GALNT15: variants seen among roughly 807,000 people sequenced by gnomAD.
GALNT15 encodes polypeptide N-acetylgalactosaminyltransferase 15.
Under a neutral mutation model 66.8 loss-of-function variants are expected in GALNT15, and 67 were observed. The observed-to-expected ratio is 1.00, with a 90% CI of 0.82 to 1.23. The LOEUF (loss-of-function observed/expected upper bound fraction) is 1.23. GALNT15 is among the 50% of genes most tolerant of loss of function. The pLI, the probability that GALNT15 is intolerant of heterozygous loss-of-function variation, is 0.00. For missense variants in GALNT15, 827 were observed against 804.3 expected (o/e 1.03, Z -0.34); for synonymous variants, 313 against 311.5 (o/e 1.00, Z -0.05).
chr3:16,237,095 A>G, the GALNT15 span, among the ~76,000 whole-genome samples: 3 of 152,258 alleles, frequency 2.0e-5, no homozygotes, highest in Non-Finnish European at 4.4e-5. This position sits in a 1 kb window ranked among gnomAD's most constrained non-coding sequence, Gnocchi z 4.2. Context: ...ACAATCAGAC[A>G]CAAGCTCTGG....
In GALNT15 at chr3:16,175,468, G is replaced by C. The variant is rs577707435; in HGVS notation, c.317G>C (p.Arg106Thr). ...GCCGTGGCCTTACCCCAGGCCAGAA[G>C]GAACCAGAGCCAGGGCAGGAGAGGT... Reference protein sequence around the residue: ...LVAVALPQARRNQSQGRRGGS... With the variant: ...LVAVALPQARTNQSQGRRGGS... Residue 106 changes from arginine to threonine, a missense_variant, in exon 1 of 10, where the codon AGG becomes ACG. Transcript: ENST00000339732. The surrounding 1 kb of genome is among the most constrained non-coding windows in gnomAD (Gnocchi z 5.6). 1.9e-6 allele frequency: 3 copies of C among 1,614,092 alleles called. No individual in the cohort carries two copies. The South Asian group carries it at 3.3e-5, about 18-fold the overall frequency.
In GALNT15 at chr3:16,195,622, T is replaced by C. The variant is rs1164171320; in HGVS notation, c.540-138T>C. On this transcript the variant is annotated intron_variant, in intron 1 of 9. Coordinates refer to ENST00000339732, the MANE Select transcript of GALNT15 (RefSeq NM_054110.5). The surrounding 1 kb of genome is among the most constrained non-coding windows in gnomAD (Gnocchi z 4.6). ...TGAGGCGTAACAGGTTCTTTTTATA[T>C]GGGAATTTTAAGAGATCCCATAGGA... 2 of 611,780 alleles carry C rather than the reference T, an allele frequency of 3.3e-6. No individual in the cohort carries two copies. Among genetic ancestry groups the C allele is most frequent in the Non-Finnish European group, 2.7e-6 (1 of 366,530 alleles). 37.9% of individuals were successfully genotyped at this position (611,780 alleles called of 1,614,324 possible). A position where few individuals can be genotyped will look rare whatever the true frequency, so the allele number is the denominator to read the frequency against.
intron 6 of GALNT15, among the ~76,000 whole-genome samples, chr3:16,214,429 A>G (rs1460305783): frequency 2.6e-5 from 4 of 152,244 alleles, no homozygotes; most frequent in African/African-American, 4.8e-5. Flanking sequence ...TAAGCTTTCC[A>G]TCTGTTGTTA....
In GALNT15 at chr3:16,175,213, T is replaced by C; in HGVS notation, c.62T>C (p.Leu21Pro). 2.5e-6 allele frequency: 4 copies of C among 1,614,208 alleles called. No individual in the cohort carries two copies. Among genetic ancestry groups the C allele is most frequent in the Non-Finnish European group, 3.4e-6 (4 of 1,180,038 alleles). The change falls in exon 1 of 10, where the codon CTG becomes CCG. Residue 21 changes from leucine (L) to proline (P), a missense_variant. Coordinates refer to ENST00000339732, the MANE Select transcript of GALNT15 (RefSeq NM_054110.5). This position sits in a 1 kb window ranked among gnomAD's most constrained non-coding sequence, Gnocchi z 5.6. ...AGACTCCAGTTCCTCCTGCTGCTCC[T>C]GATGCTGGGATGCGTCCTGATGATG... ...PCRLQFLLLL[L>P]MLGCVLMMVA... is the part of the protein sequence containing the mutation.
rs1357053373 is a variant in GALNT15, at chr3:16,195,499, A to T, written c.540-261A>T. Among the ~76,000 whole-genome samples the T allele has an allele frequency of 6.6e-6, 1 of 152,172 alleles. No individual in the cohort carries two copies. Among genetic ancestry groups the T allele is most frequent in the Admixed American group, 6.5e-5 (1 of 15,282 alleles). On this transcript the variant is annotated intron_variant, in intron 1 of 9. Coordinates refer to ENST00000339732, the MANE Select transcript of GALNT15 (RefSeq NM_054110.5). The surrounding 1 kb of genome is among the most constrained non-coding windows in gnomAD (Gnocchi z 4.6). ...TGAGGACAGTCATTTGCTGAGGATG[A>T]CGGCAACGCTTCTCAATTGCAATGA...
At chr3:16,242,535 A>G in the GALNT15 span, among the ~76,000 whole-genome samples, 2 of 152,142 alleles carry the variant, frequency 1.3e-5, no homozygotes, top group Non-Finnish European at 2.9e-5. This position sits in a 1 kb window ranked among gnomAD's most constrained non-coding sequence, Gnocchi z 5.6. Flanking sequence ...AGGCAGGCAA[A>G]TCTCTTGCGC....
downstream of GALNT15, among the ~76,000 whole-genome samples, chr3:16,233,092 A>ATTTTTTTTTTTTTTTTTTTTTT (rs771943641): frequency 3.1e-4 from 15 of 48,042 alleles, no homozygotes; most frequent in Non-Finnish European, 4.2e-4. Context: ...AGGATAATGC[A>ATTTTTTTTTTTTTTTTTTTTTT]TCTTTTTTTT....
chr3:16,213,739 G>A (rs1465671759), intron 6 of GALNT15, among the ~76,000 whole-genome samples: 1 of 152,194 alleles, frequency 6.6e-6, no homozygotes, highest in Admixed American at 6.5e-5. Flanking sequence ...TGAGTTAGAT[G>A]TGAGTTTGCA....
At position 16,203,752 on chromosome 3, in the gene GALNT15, G is replaced by A. The variant is rs939347437; in HGVS notation, c.911+2929G>A. Reference sequence around the variant, plus strand: ...GTGTCCAGCTTTTAGGCACTGGCAGGTGAGGATCTGGAAGAAAAGCCACCT... The same window carrying A: ...GTGTCCAGCTTTTAGGCACTGGCAGATGAGGATCTGGAAGAAAAGCCACCT... On this transcript the variant is annotated intron_variant, in intron 3 of 9. Transcript: ENST00000339732. This position sits in a 1 kb window ranked among gnomAD's most constrained non-coding sequence, Gnocchi z 6.2. Among the ~76,000 whole-genome samples the A allele has an allele frequency of 5.3e-5, 8 of 152,094 alleles. No individual in the cohort carries two copies. The highest frequency in any genetic ancestry group is 4.1e-4 in the South Asian group (2 of 4,836).
rs1165130448 is a variant in GALNT15 at position 16,176,623 on chromosome 3, T to C, written c.539+933T>C. Among the ~76,000 whole-genome samples, 1 of 152,234 alleles carries C rather than the reference T, an allele frequency of 6.6e-6. No homozygotes were observed. Among genetic ancestry groups the C allele is most frequent in the African/African-American group, 2.4e-5 (1 of 41,464 alleles). On this transcript the variant is annotated intron_variant, in intron 1 of 9. Transcript: ENST00000339732. The surrounding 1 kb of genome is among the most constrained non-coding windows in gnomAD (Gnocchi z 5.6). ...ACCCCCTGCTCCCTTACTGTCACCA[T>C]GGCTGACCACTGAGGAGGGAGCCTT...
At position 16,228,556 on chromosome 3, in the gene GALNT15, G is replaced by C. The variant is rs1036349903; in HGVS notation, c.*1056G>C. ...CTTGGGAGGCTGAGGCAAGAGAATC[G>C]CTTGAACCCAGGAGGCAGAGGTTGC... is the stretch of plus-strand genomic sequence containing the variant. On this transcript the variant is annotated 3_prime_UTR_variant, in exon 10 of 10. Coordinates refer to ENST00000339732, the MANE Select transcript of GALNT15 (RefSeq NM_054110.5). The C allele has an allele frequency of 1.4e-6, 1 of 738,600 alleles. No homozygotes were observed. Among genetic ancestry groups the C allele is most frequent in the Non-Finnish European group, 1.6e-6 (1 of 606,444 alleles). 45.8% of individuals were successfully genotyped at this position (738,600 alleles called of 1,614,324 possible). A position where few individuals can be genotyped will look rare whatever the true frequency, so the allele number is the denominator to read the frequency against.
downstream of GALNT15, among the ~76,000 whole-genome samples, chr3:16,230,390 T>C (rs1176077881): frequency 6.6e-6 from 1 of 152,092 alleles, no homozygotes; most frequent in African/African-American, 2.4e-5. The surrounding 1 kb of genome is among the most constrained non-coding windows in gnomAD (Gnocchi z 4.5). Flanking sequence ...AAGTCCTCAG[T>C]GACAATAATG....
rs2124838344 is a variant in GALNT15 at position 16,181,051 on chromosome 3, A to C, written c.539+5361A>C. ...TGATTTTCCTTGTGTATTAAGTCCAAACAGAAGTTGCCCTTATCATATTCT... is the reference window on the plus strand; with the variant it reads ...TGATTTTCCTTGTGTATTAAGTCCACACAGAAGTTGCCCTTATCATATTCT... On this transcript the variant is annotated intron_variant, in intron 1 of 9. Coordinates refer to ENST00000339732, the MANE Select transcript of GALNT15 (RefSeq NM_054110.5). This position sits in a 1 kb window ranked among gnomAD's most constrained non-coding sequence, Gnocchi z 5.9. 6.6e-6 allele frequency among the ~76,000 whole-genome samples: 1 copy of C among 152,358 alleles called. No homozygotes were observed.
In GALNT15 at chr3:16,209,066, C is replaced by T. The variant is rs922043962; in HGVS notation, c.1079+396C>T. Among the ~76,000 whole-genome samples, 1 of 152,132 alleles carries T rather than the reference C, an allele frequency of 6.6e-6. No homozygotes were observed. The highest frequency in any genetic ancestry group is 2.4e-5 in the African/African-American group (1 of 41,418). On this transcript the variant is annotated intron_variant, in intron 4 of 9. Coordinates refer to ENST00000339732, the MANE Select transcript of GALNT15 (RefSeq NM_054110.5). The surrounding 1 kb of genome is among the most constrained non-coding windows in gnomAD (Gnocchi z 4.1). ...GGTACAGTGTGAATTCCTCAGGTCT[C>T]GTCTTAGCAAATAGGAAGAATTCAA... is the stretch of plus-strand genomic sequence containing the variant.
In GALNT15 at chr3:16,184,227, C is replaced by T. The variant is rs77795575; in HGVS notation, c.539+8537C>T. On this transcript the variant is annotated intron_variant, in intron 1 of 9. Coordinates refer to ENST00000339732, the MANE Select transcript of GALNT15 (RefSeq NM_054110.5). This position sits in a 1 kb window ranked among gnomAD's most constrained non-coding sequence, Gnocchi z 5.0. The stretch of plus-strand genomic sequence containing the variant: ...ACAAACCGAGATAGTAAAATATTCA[C>T]CGGATATTTCGTTGAAGCAGAGAAG... 0.073 allele frequency among the ~76,000 whole-genome samples: 11,050 copies of T among 152,228 alleles called. 569 individuals are homozygous for T. The highest frequency in any genetic ancestry group is 0.22 in the South Asian group (1,070 of 4,816).
At chr3:16,198,325 G>A (rs2063661640) in intron 2 of GALNT15, among the ~76,000 whole-genome samples, 1 of 137,980 alleles carries the variant, frequency 7.2e-6, no homozygotes, top group African/African-American at 2.8e-5. Context: ...GAGATAGGCA[G>A]AGGCCAGTCC....
At position 16,199,563 on chromosome 3, in the gene GALNT15, G is replaced by A. The variant is rs570424642; in HGVS notation, c.707-1056G>A. ...AGCAGGGCCTGAGATGGAGATTCAC[G>A]TGCATTTGATTTTTTTGAGGGTGTA... is the stretch of plus-strand genomic sequence containing the variant. On this transcript the variant is annotated intron_variant, in intron 2 of 9. Transcript: ENST00000339732. 7.0e-5 allele frequency among the ~76,000 whole-genome samples: 10 copies of A among 142,272 alleles called. 2 individuals carry two copies. The highest frequency in any genetic ancestry group is 3.6e-4 in the Admixed American group (5 of 13,964). 93.3% of individuals were successfully genotyped at this position (142,272 alleles called of 152,430 possible).
At chr3:16,236,408 C>A (rs889421845), downstream of GALNT15, among the ~76,000 whole-genome samples, 2 of 152,160 alleles carry the variant, frequency 1.3e-5, no homozygotes, top group Non-Finnish European at 2.9e-5. Context: ...GAGCCATGGA[C>A]AATAATCAAC....
the GALNT15 span, among the ~76,000 whole-genome samples, chr3:16,245,743 C>A: frequency 3.9e-5 from 6 of 152,220 alleles, no homozygotes; most frequent in Admixed American, 1.3e-4. Flanking sequence ...GCCATATTCC[C>A]GGCTTCTTCC....
Sources: allele counts gnomAD v4.1 joint callset (sites outside exome capture counted in the v4.1 genomes callset), GRCh38; gene constraint gnomAD v4.1.1; non-coding constraint Gnocchi (gnomAD v3.1); transcripts MANE v1.5; gene names NCBI Gene and HGNC (gene_info 2026-07-23, HGNC 2026-07-21).